SGCG: variants seen among roughly 807,000 people sequenced by gnomAD.
The protein encoded by SGCG is sarcoglycan gamma, also known as gamma-sarcoglycan.
Under a neutral mutation model 29.3 loss-of-function variants are expected in SGCG, and 26 were observed. The observed-to-expected ratio is 0.89, with a 90% CI of 0.65 to 1.23. SGCG has a LOEUF of 1.23. SGCG is among the 50% of genes most tolerant of loss of function. SGCG has a pLI of 0.00. For synonymous variants in SGCG, 145 were observed against 129.7 expected (o/e 1.12, Z -0.80); for missense variants, 353 against 356.0 (o/e 0.99, Z 0.07).
At chr13:23,214,657 G>C (rs1009097990) in intron 2 of SGCG, among the ~76,000 whole-genome samples, 14 of 152,112 alleles carry the variant, frequency 9.2e-5, no homozygotes, top group African/African-American at 3.1e-4. Context: ...CCTTAATGAT[G>C]CCCGGCTCAC....
chr13:23,277,556 A>G (rs1359297664), intron 4 of SGCG, among the ~76,000 whole-genome samples: 1 of 152,224 alleles, frequency 6.6e-6, no homozygotes, highest in Non-Finnish European at 1.5e-5. Context: ...TTGGATGACC[A>G]TGTCCAAAAC....
chr13:23,191,410 G>A lies in SGCG; in HGVS notation c.-1+10335G>A, dbSNP rs77728659. ...TTCAGTTGTCAAGGTATCGGGTGCAGGGGTCAGAAAGAAACATGACTCCAT... is the reference window on the plus strand; with the variant it reads ...TTCAGTTGTCAAGGTATCGGGTGCAAGGGTCAGAAAGAAACATGACTCCAT... On this transcript the variant is annotated intron_variant, in intron 1 of 7. Transcript: ENST00000218867. 7.1e-3 allele frequency among the ~76,000 whole-genome samples: 1,082 copies of A among 152,282 alleles called. 18 individuals carry two copies. Among genetic ancestry groups the A allele is most frequent in the African/African-American group, 0.025 (1,021 of 41,546 alleles).
At chr13:23,173,216 G>C in the SGCG span, among the ~76,000 whole-genome samples, 1 of 152,122 alleles carries the variant, frequency 6.6e-6, no homozygotes, top group Admixed American at 6.5e-5. Flanking sequence ...TCTCCAAAGG[G>C]AAGACTGCAT....
chr13:23,262,168 C>T (rs1880464033), intron 4 of SGCG, among the ~76,000 whole-genome samples: 1 of 152,006 alleles, frequency 6.6e-6, no homozygotes, highest in African/African-American at 2.4e-5. Flanking sequence ...TCAATATTCA[C>T]ATTGAATGTA....
In SGCG at chr13:23,324,523, C is replaced by T; in HGVS notation, c.858C>T (p.His286=). 6.2e-7 allele frequency: 1 copy of T among 1,612,390 alleles called. No individual in the cohort carries two copies. Among genetic ancestry groups the T allele is most frequent in the Non-Finnish European group, 8.5e-7 (1 of 1,179,960 alleles). The change falls in exon 8 of 8, where the codon CAC becomes CAT. Residue 286 remains histidine, a synonymous_variant. Transcript: ENST00000218867. ...GTGTGAGCACCACGTGCCAGGAGCA[C>T]AACCACATCTGCCTCTGAGCTGCCT... is the stretch of plus-strand genomic sequence containing the variant. ...VAGVSTTCQE[H]NHICL is the part of the protein sequence containing the mutation.
At chr13:23,174,906 T>A in the SGCG span, among the ~76,000 whole-genome samples, 1 of 140,984 alleles carries the variant, frequency 7.1e-6, no homozygotes, top group Admixed American at 7.1e-5. Flanking sequence ...TTTGACCATG[T>A]AAAAGTGCAG....
intron 1 of SGCG, among the ~76,000 whole-genome samples, chr13:23,188,892 T>TC (rs1229319477): frequency 3.3e-5 from 5 of 152,208 alleles, no homozygotes; most frequent in African/African-American, 1.2e-4. Context: ...CAAGGATGCC[T>TC]CCCCCGGCAC....
intron 4 of SGCG, among the ~76,000 whole-genome samples, chr13:23,256,249 C>G (rs1415786111): frequency 3.9e-5 from 6 of 152,202 alleles, no homozygotes; most frequent in Non-Finnish European, 8.8e-5. Context: ...ATAAAACTTG[C>G]AAAAGCTCAC....
At chr13:23,280,256 T>C (rs1200773558) in intron 5 of SGCG, among the ~76,000 whole-genome samples, 1 of 152,180 alleles carries the variant, frequency 6.6e-6, no homozygotes, top group Non-Finnish European at 1.5e-5. Context: ...GAAAAAAATG[T>C]TTCAGAACAT....
chr13:23,227,989 T>C (rs1878967018), intron 2 of SGCG, among the ~76,000 whole-genome samples: 1 of 151,996 alleles, frequency 6.6e-6, no homozygotes, highest in Non-Finnish European at 1.5e-5. Flanking sequence ...TTTTGTATTT[T>C]TTGTAGAGAT....
intron 3 of SGCG, among the ~76,000 whole-genome samples, chr13:23,239,825 T>C (rs150168963): frequency 5.8e-4 from 88 of 152,182 alleles, no homozygotes; most frequent in Non-Finnish European, 1.1e-3. Flanking sequence ...ACAGAAAGTA[T>C]AGCTAATACA....
chr13:23,164,556 GC>G, the SGCG span, among the ~76,000 whole-genome samples: 5 of 152,300 alleles, frequency 3.3e-5, no homozygotes, highest in African/African-American at 1.2e-4. Context: ...TCATGGTTCT[GC>G]AGGCTGTACA....
chr13:23,211,668 A>C (rs1418679172), intron 2 of SGCG, among the ~76,000 whole-genome samples: 1 of 152,198 alleles, frequency 6.6e-6, no homozygotes, highest in African/African-American at 2.4e-5. Flanking sequence ...TGAAAAACAA[A>C]AGAAACACCA....
chr13:23,239,840 C>T (rs1879441635), intron 3 of SGCG, among the ~76,000 whole-genome samples: 1 of 151,824 alleles, frequency 6.6e-6, no homozygotes, highest in African/African-American at 2.4e-5. Context: ...AATACATCAA[C>T]TAAGGAGATA....
At chr13:23,286,626 T>C (rs1881507438) in intron 5 of SGCG, among the ~76,000 whole-genome samples, 1 of 152,160 alleles carries the variant, frequency 6.6e-6, no homozygotes, top group Admixed American at 6.5e-5. Flanking sequence ...ACATACATAC[T>C]GTGATAAAGT....
At chr13:23,287,837 C>A (rs142087103) in intron 5 of SGCG, among the ~76,000 whole-genome samples, 11,905 of 152,146 alleles carry the variant, frequency 0.078, 547 homozygotes, top group South Asian at 0.13. Flanking sequence ...TCACTGCAAC[C>A]TTTGCCTCCT....
intron 6 of SGCG, among the ~76,000 whole-genome samples, chr13:23,301,498 C>G (rs1882155585): frequency 6.6e-6 from 1 of 152,146 alleles, no homozygotes; most frequent in South Asian, 2.1e-4. Context: ...GGGCTTGGAG[C>G]AGCCTAAAGT....
At chr13:23,297,281 C>T (rs571992140) in intron 6 of SGCG, among the ~76,000 whole-genome samples, 5 of 150,778 alleles carry the variant, frequency 3.3e-5, no homozygotes, top group East Asian at 3.9e-4. Context: ...GAGACCAGCT[C>T]GGTCAGGGAG....
At chr13:23,199,184 T>G (rs1877643127) in intron 1 of SGCG, among the ~76,000 whole-genome samples, 1 of 152,230 alleles carries the variant, frequency 6.6e-6, no homozygotes, top group Non-Finnish European at 1.5e-5. Context: ...TAATTTTTAA[T>G]GACAAAATTT....
Sources: gnomAD v4.1 joint callset for allele counts (sites outside exome capture counted in the v4.1 genomes callset) on GRCh38, gnomAD v4.1.1 for gene constraint, MANE v1.5 for transcripts, NCBI Gene and HGNC (gene_info 2026-07-23, HGNC 2026-07-21) for gene names.